The following RGSL1 variants were observed in gnomAD, a reference collection of about 807,000 sequenced individuals.
RGSL1 encodes regulator of G protein signaling protein-like.
Under a neutral mutation model 124.7 loss-of-function variants are expected in RGSL1, and 97 were observed. That is an observed-to-expected ratio of 0.78 (90% confidence interval 0.66 to 0.92). The LOEUF (loss-of-function observed/expected upper bound fraction) is 0.92, where lower values mean the gene tolerates loss of function less well. Among genes scored for constraint, RGSL1 ranks in the 40% least tolerant of loss-of-function variants. The probability of loss-of-function intolerance (pLI) is 0.00; values close to 1 mark genes in which losing one functional copy is unlikely to be tolerated. For missense variants in RGSL1, 1,233 were observed against 1,288.4 expected (o/e 0.96, Z 0.66); for synonymous variants, 424 against 438.1 (o/e 0.97, Z 0.40).
intron 16 of RGSL1, 66 bp from the exon 17 acceptor site, chr1:182,548,634 G>C: frequency 6.5e-7 from 1 of 1,540,582 alleles, no homozygotes; most frequent in Non-Finnish European, 8.8e-7. Context: ...GGTTCTGGGG[G>C]CCAGGAGAGG....
At position 182,460,338 on chromosome 1, in the gene RGSL1, A is replaced by G. The variant is rs147463483; in HGVS notation, c.301+205A>G. On this transcript the variant is annotated intron_variant, in intron 4 of 21. Transcript: ENST00000294854. The stretch of plus-strand genomic sequence containing the variant: ...ACTGGCTGAATTTATAGATATGTGC[A>G]TATCCCAGCCCATGTTTTGGCAATA... 4.9e-4 allele frequency among the ~76,000 whole-genome samples: 75 copies of G among 152,338 alleles called. 2 individuals carry two copies. In the East Asian group the frequency reaches 0.014, roughly 28 times the overall value.
chr1:182,556,628 A>G (rs1660880512), intron 21 of RGSL1, among the ~76,000 whole-genome samples: 1 of 152,116 alleles, frequency 6.6e-6, no homozygotes. Context: ...ACTAGAACAC[A>G]CCATTTCTGA....
intron 3 of RGSL1, 26 bp downstream of exon 3, chr1:182,458,419 G>A (rs1190101052): frequency 1.3e-6 from 2 of 1,513,702 alleles, no homozygotes; most frequent in Non-Finnish European, 1.8e-6. Context: ...CAGAGGTAGA[G>A]AGTTTAGGGT....
chr1:182,459,908 C>T (rs945350049), intron 3 of RGSL1, 96 bp from the exon 4 acceptor site: 4 of 1,412,088 alleles, frequency 2.8e-6, no homozygotes, highest in Non-Finnish European at 2.9e-6. Context: ...CCAGACACTG[C>T]AAGTGTGAGG....
chr1:182,450,800 C>G (rs745775736), intron 1 of RGSL1, among the ~76,000 whole-genome samples: 1 of 152,140 alleles, frequency 6.6e-6, no homozygotes, highest in Non-Finnish European at 1.5e-5. Flanking sequence ...TATACTCATT[C>G]AACAAATCCA....
chr1:182,510,897 A>C (rs958135337), intron 9 of RGSL1, among the ~76,000 whole-genome samples: 4 of 151,990 alleles, frequency 2.6e-5, no homozygotes, highest in African/African-American at 7.3e-5. Context: ...TTATTTTGAT[A>C]ATTGTTTTTG....
intron 1 of RGSL1, among the ~76,000 whole-genome samples, chr1:182,452,011 TTGAGAGTGAGAG>T (rs374295208): frequency 6.7e-6 from 1 of 148,898 alleles, no homozygotes; most frequent in African/African-American, 2.5e-5. Context: ...GTAAGAGAGA[TTGAGAGTGAGAG>T]TGAGAGTGAG....
At chr1:182,490,823 T>G (rs1400069499) in intron 8 of RGSL1, among the ~76,000 whole-genome samples, 1 of 152,138 alleles carries the variant, frequency 6.6e-6, no homozygotes, top group Non-Finnish European at 1.5e-5. Context: ...GGGCCTTCTT[T>G]GCATTTGGCC....
intron 8 of RGSL1, 97 bp downstream of exon 8, chr1:182,489,299 T>TAGTGCTGAC: frequency 2.8e-6 from 3 of 1,089,116 alleles, no homozygotes; most frequent in African/African-American, 1.6e-5. Context: ...GTCAGCACTA[T>TAGTGCTGAC]GCAGTGCAGG....
chr1:182,518,941 C>T lies in RGSL1; in HGVS notation c.1826-3063C>T, dbSNP rs576994900. Among the ~76,000 whole-genome samples, 151 of 151,456 alleles carry T rather than the reference C, an allele frequency of 1.0e-3. 1 individual carries two copies. Among genetic ancestry groups the T allele is most frequent in the African/African-American group, 3.5e-3 (143 of 40,954 alleles). The stretch of plus-strand genomic sequence containing the variant: ...GCTGCCATTTTGGTACTCTATGTTA[C>T]TACTTTTTATTTGTCCCTTCTGTTC... On this transcript the variant is annotated intron_variant, in intron 9 of 21. Transcript: ENST00000294854.
At chr1:182,511,624 C>T (rs912864203) in intron 9 of RGSL1, among the ~76,000 whole-genome samples, 1 of 152,142 alleles carries the variant, frequency 6.6e-6, no homozygotes, top group Non-Finnish European at 1.5e-5. Flanking sequence ...TATCTGTTTC[C>T]ATGGTGCTGA....
At position 182,556,131 on chromosome 1, in the gene RGSL1, A is replaced by C. The variant is rs1201822626; in HGVS notation, c.*74A>C. 2 of 1,403,358 alleles carry C rather than the reference A, an allele frequency of 1.4e-6. No homozygotes were observed. Among genetic ancestry groups the C allele is most frequent in the Non-Finnish European group, 9.8e-7 (1 of 1,022,468 alleles). 86.9% of individuals were successfully genotyped at this position (1,403,358 alleles called of 1,614,324 possible). ...ACACTGACAGAAACTTTTCTGGTCA[A>C]AAATGAAAGGTCCTGGTACCATCTT... On this transcript the variant is annotated 3_prime_UTR_variant, in exon 21 of 22. Coordinates refer to ENST00000294854, the MANE Select transcript of RGSL1 (RefSeq NM_001137669.2).
At chr1:182,454,116 T>G (rs1652076738) in intron 2 of RGSL1, 76 bp downstream of exon 2, 2 of 859,252 alleles carry the variant, frequency 2.3e-6, no homozygotes, top group Admixed American at 2.4e-5. Flanking sequence ...GAGTGACTTT[T>G]TTTGTTTGTT....
At chr1:182,523,210 T>TTC (rs1658486097) in intron 10 of RGSL1, among the ~76,000 whole-genome samples, 1 of 149,592 alleles carries the variant, frequency 6.7e-6, no homozygotes, top group Non-Finnish European at 1.5e-5. Flanking sequence ...TTTTTTTTCT[T>TTC]TTTTTTTTTT....
intron 9 of RGSL1, among the ~76,000 whole-genome samples, chr1:182,501,310 T>C (rs1475696817): frequency 1.8e-4 from 1 of 5,652 alleles, no homozygotes; most frequent in Non-Finnish European, 4.6e-4. Context: ...TTCTTTTCTT[T>C]TTTTTTTTTT....
chr1:182,554,878 T>G, intron 20 of RGSL1, 185 bp downstream of exon 20: 1 of 603,584 alleles, frequency 1.7e-6, no homozygotes, highest in East Asian at 2.8e-5. Context: ...GTGGGGGTCC[T>G]TTCTCACCTC....
At chr1:182,549,001 A>T in intron 17 of RGSL1, 177 bp downstream of exon 17, 1 of 696,826 alleles carries the variant, frequency 1.4e-6, no homozygotes, top group South Asian at 2.1e-5. Context: ...AACACCAAAC[A>T]CTGAATCCAC....
Position 182,538,731 on chromosome 1 carries a change from C to T in RGSL1, c.2495-1516C>T, listed in dbSNP as rs1015581365. On this transcript the variant is annotated intron_variant, in intron 14 of 21. Coordinates refer to ENST00000294854, the MANE Select transcript of RGSL1 (RefSeq NM_001137669.2). ...TGTCAGGCTCATGCAGATGCCAACC[C>T]CGTACTTGTAACATGTTGATAGTGA... Among the ~76,000 whole-genome samples the T allele has an allele frequency of 1.3e-4, 19 of 151,822 alleles. 1 individual carries two copies. Among genetic ancestry groups the T allele is most frequent in the African/African-American group, 4.6e-4 (19 of 41,324 alleles).
intron 9 of RGSL1, among the ~76,000 whole-genome samples, chr1:182,514,375 T>C (rs578130763): frequency 2.6e-5 from 4 of 152,248 alleles, no homozygotes; most frequent in Non-Finnish European, 4.4e-5. Flanking sequence ...TCTCTTTCAG[T>C]TGGATAAAGT....
Sources: gnomAD v4.1 joint callset for allele counts (sites outside exome capture counted in the v4.1 genomes callset) on GRCh38, gnomAD v4.1.1 for gene constraint, MANE v1.5 for transcripts, NCBI Gene and HGNC (gene_info 2026-07-23, HGNC 2026-07-21) for gene names.